Variants in CATSPERB observed in about 807,000 individuals in gnomAD.
CATSPERB encodes the protein cation channel sperm-associated auxiliary subunit beta.
In CATSPERB, 93 loss-of-function variants were observed where a neutral mutation model predicts 128.3. The ratio of observed to expected loss-of-function variants is 0.72; its 90% CI spans 0.61 to 0.86. The LOEUF (loss-of-function observed/expected upper bound fraction) is 0.86, where lower values mean the gene tolerates loss of function less well. Among genes scored for constraint, CATSPERB ranks in the 40% least tolerant of loss-of-function variants. The pLI is 0.00. For missense variants in CATSPERB, 1,153 were observed against 1,329.5 expected (o/e 0.87, Z 2.06); for synonymous variants, 381 against 448.8 (o/e 0.85, Z 1.91).
chr14:91,714,277 C>CAAAAAAAAAAAAAAGAAAAAAAAA (rs1895895896), intron 5 of CATSPERB, among the ~76,000 whole-genome samples: 1 of 111,296 alleles, frequency 9.0e-6, no homozygotes, highest in Non-Finnish European at 1.8e-5. Flanking sequence ...TACAATAAGG[C>CAAAAAAAAAAAAAAGAAAAAAAAA]AAAAAAAAAA....
rs1394563889 is a variant in CATSPERB at position 91,659,905 on chromosome 14, A to G, written c.1364T>C (p.Phe455Ser). 1.2e-6 allele frequency: 2 copies of G among 1,603,420 alleles called. No homozygotes were observed. The highest frequency in any genetic ancestry group is 1.7e-6 in the Non-Finnish European group (2 of 1,177,176). The change falls in exon 15 of 27, where the codon TTT becomes TCT. Residue 455 changes from phenylalanine to serine, a missense_variant. Phe to Ser is a radical substitution (Grantham distance 155, BLOSUM62 -2). Transcript: ENST00000256343. ...AATAGCTGATGTATAAAAACTATGA[A>G]AAGTCTTCTTTATGATATCATCATG... The part of the protein sequence containing the change: ...NFHDDIIKKT[F>S]HSFYTSAITF...
chr14:91,677,703 C>T (rs555145314), intron 11 of CATSPERB, among the ~76,000 whole-genome samples: 52 of 152,322 alleles, frequency 3.4e-4, no homozygotes, highest in African/African-American at 7.7e-4. Context: ...AATCCCATTA[C>T]TGGGTATATA....
chr14:91,593,857 A>G (rs1893452538), intron 22 of CATSPERB, among the ~76,000 whole-genome samples: 4 of 152,206 alleles, frequency 2.6e-5, no homozygotes, highest in Admixed American at 2.6e-4. Context: ...TGCATCTTCC[A>G]GAATTCCCGC....
rs113182544 is a variant in CATSPERB, at chr14:91,730,554, G to A, written c.1-1075C>T. Among the ~76,000 whole-genome samples the A allele has an allele frequency of 6.0e-3, 918 of 152,270 alleles. 14 individuals are homozygous for A. The highest frequency in any genetic ancestry group is 0.021 in the African/African-American group (861 of 41,560). On this transcript the variant is annotated intron_variant, in intron 1 of 26. Coordinates refer to ENST00000256343, the MANE Select transcript of CATSPERB (RefSeq NM_024764.4). ...TGAATTTCACCTCTAAGGAACTTGG[G>A]GGACAGGAGGTACTGGAGTGAGCAA...
chr14:91,639,281 A>G, intron 15 of CATSPERB, 31 bp from the exon 16 acceptor site: 1 of 1,592,792 alleles, frequency 6.3e-7, no homozygotes, highest in Non-Finnish European at 8.6e-7. Context: ...GTGTCTTGAT[A>G]CTGATGTAAC....
intron 14 of CATSPERB, among the ~76,000 whole-genome samples, chr14:91,665,305 C>A (rs1176368407): frequency 1.3e-5 from 2 of 152,112 alleles, no homozygotes; most frequent in African/African-American, 2.4e-5. Flanking sequence ...AATCCATGCG[C>A]CCTAGGAATT....
chr14:91,665,274 C>T (rs1251974772), intron 14 of CATSPERB, among the ~76,000 whole-genome samples: 2 of 152,182 alleles, frequency 1.3e-5, no homozygotes, highest in Non-Finnish European at 2.9e-5. Context: ...ATAATAACTC[C>T]TTACATCACT....
intron 14 of CATSPERB, among the ~76,000 whole-genome samples, chr14:91,662,353 T>C (rs999818764): frequency 2.0e-5 from 3 of 152,258 alleles, no homozygotes; most frequent in Admixed American, 6.5e-5. Context: ...CATTATTTAC[T>C]TAAATTCATA....
rs193173581 is a variant in CATSPERB at position 91,601,783 on chromosome 14, C to T, written c.2709+6511G>A. ...GTTGAGGTTTTTAGGTATTTTTTCC[C>T]CAAAAATATATAAAGTTAGGGGAGC... On this transcript the variant is annotated intron_variant, in intron 22 of 26. Coordinates refer to ENST00000256343, the MANE Select transcript of CATSPERB (RefSeq NM_024764.4). Among the ~76,000 whole-genome samples, 23 of 151,576 alleles carry T rather than the reference C, an allele frequency of 1.5e-4. No homozygotes were observed. The East Asian group carries it at 1.9e-3, about 13-fold the overall frequency.
chr14:91,634,696 C>T (rs1258470539), intron 17 of CATSPERB, among the ~76,000 whole-genome samples: 1 of 11,288 alleles, frequency 8.9e-5, no homozygotes, highest in African/African-American at 2.6e-4. Context: ...TGGAATACTA[C>T]TCAGCCATAC....
chr14:91,722,282 T>C (rs945172136), intron 4 of CATSPERB, among the ~76,000 whole-genome samples: 46 of 152,206 alleles, frequency 3.0e-4, no homozygotes, highest in African/African-American at 9.6e-4. Flanking sequence ...AAAGTGGGAA[T>C]AGCCCAAAGG....
At chr14:91,730,735 C>G (rs934290690) in intron 1 of CATSPERB, among the ~76,000 whole-genome samples, 5 of 152,212 alleles carry the variant, frequency 3.3e-5, no homozygotes, top group African/African-American at 4.8e-5. Context: ...TGTGCAGTTC[C>G]TGACAACTGC....
At chr14:91,718,240 A>C (rs1238071584) in intron 5 of CATSPERB, among the ~76,000 whole-genome samples, 1 of 152,226 alleles carries the variant, frequency 6.6e-6, no homozygotes, top group Non-Finnish European at 1.5e-5. Flanking sequence ...GATAGCTCCA[A>C]TAAGAAAATT....
chr14:91,729,578 A>C, intron 1 of CATSPERB, 99 bp from the exon 2 acceptor site: 5 of 555,946 alleles, frequency 9.0e-6, no homozygotes, highest in Middle Eastern at 4.2e-4. Flanking sequence ...AAATAATCTC[A>C]ATATTCTTAA....
intron 6 of CATSPERB, among the ~76,000 whole-genome samples, chr14:91,705,805 A>G (rs552678021): frequency 2.0e-5 from 3 of 152,356 alleles, no homozygotes; most frequent in African/African-American, 4.8e-5. Flanking sequence ...TCACCAGACC[A>G]GGGTAGACAA....
chr14:91,690,967 A>C (rs1040691885), intron 10 of CATSPERB, among the ~76,000 whole-genome samples: 1 of 152,242 alleles, frequency 6.6e-6, no homozygotes, highest in African/African-American at 2.4e-5. Flanking sequence ...GATGGGAATG[A>C]CCTAGTTCAT....
At chr14:91,613,641 C>T (rs571990789) in intron 20 of CATSPERB, among the ~76,000 whole-genome samples, 16 of 152,214 alleles carry the variant, frequency 1.1e-4, no homozygotes, top group African/African-American at 3.9e-4. Flanking sequence ...GCACTGCCAA[C>T]TGACAGCAAA....
intron 12 of CATSPERB, among the ~76,000 whole-genome samples, chr14:91,673,869 G>A (rs537966302): frequency 2.4e-4 from 35 of 144,374 alleles, no homozygotes; most frequent in Admixed American, 5.5e-4. Context: ...GAGACAGAGC[G>A]AGACTCTGTC....
chr14:91,629,155 A>G (rs1463648124), intron 17 of CATSPERB, among the ~76,000 whole-genome samples: 1 of 152,230 alleles, frequency 6.6e-6, no homozygotes, highest in East Asian at 1.9e-4. Context: ...AAACTGCGGG[A>G]TACTCAGATG....
Sources: gnomAD v4.1 joint callset for allele counts (sites outside exome capture counted in the v4.1 genomes callset) on GRCh38, gnomAD v4.1.1 for gene constraint, MANE v1.5 for transcripts, NCBI Gene and HGNC (gene_info 2026-07-23, HGNC 2026-07-21) for gene names.